Variants in OPCML observed in about 807,000 individuals in gnomAD.
The protein encoded by OPCML is opioid-binding protein/cell adhesion molecule.
A neutral mutation model predicts 37.8 loss-of-function variants in OPCML; 13 were observed. The observed-to-expected ratio is 0.34, with a 90% confidence interval of 0.22 to 0.55. The LOEUF is 0.55. Ranked by LOEUF, OPCML falls within the 20% of genes least tolerant of loss-of-function variation. The pLI is 0.91. For missense variants in OPCML, 341 were observed against 435.6 expected, an observed-to-expected ratio of 0.78 and a Z score of 1.93; for synonymous variants, 176 against 168.8, an observed-to-expected ratio of 1.04 and a Z score of -0.33.
At chr11:132,752,833 C>T (rs1410574295) in intron 2 of OPCML, among the ~76,000 whole-genome samples, 6 of 152,188 alleles carry the variant, frequency 3.9e-5, no homozygotes, top group South Asian at 2.1e-4. Flanking sequence ...TCCTGATAAG[C>T]GCCTGAGGAA....
intron 4 of OPCML, among the ~76,000 whole-genome samples, chr11:132,517,492 T>C (rs1488960275): frequency 6.6e-6 from 1 of 152,190 alleles, no homozygotes. Flanking sequence ...GGCTGCAGTA[T>C]GTTAGTATGG....
At chr11:132,659,475 A>G (rs1291199698) in intron 2 of OPCML, among the ~76,000 whole-genome samples, 1 of 152,218 alleles carries the variant, frequency 6.6e-6, no homozygotes, top group Non-Finnish European at 1.5e-5. Context: ...AAATTGAGAC[A>G]GAGTGAAGGG....
rs367841063 is a variant in OPCML at position 132,436,740 on chromosome 11, G to A, written c.683C>T (p.Ser228Leu). The change falls in exon 6 of 8, where the codon TCA becomes TTA. Residue 228 changes from serine (S) to leucine (L), a missense_variant. Coordinates refer to ENST00000524381, the MANE Select transcript of OPCML (RefSeq NM_001012393.5). ...YISKAKNTGV[S>L]VGQKGILSCE... ...GCTCAGGATGCCCTTCTGACCGACT[G>A]AAACACCAGTGTTCTTGGCTTTTGA... 1 of 1,613,998 alleles carries A rather than the reference G, an allele frequency of 6.2e-7. No individual in the cohort carries two copies. The highest frequency in any genetic ancestry group is 1.3e-5 in the African/African-American group (1 of 74,896).
chr11:133,431,301 G>T (rs1166427600), intron 1 of OPCML, among the ~76,000 whole-genome samples: 2 of 152,138 alleles, frequency 1.3e-5, no homozygotes, highest in Non-Finnish European at 2.9e-5. Context: ...GAGAAAAGAT[G>T]CAAAACTATA....
chr11:133,173,960 C>T lies in OPCML; in HGVS notation c.62-230950G>A, dbSNP rs926857252. ...CCCTCCATCCATTCTACAAGGATCC[C>T]CAGTCAGCCAATGCACCGGGACGCT... On this transcript the variant is annotated intron_variant, in intron 1 of 7. Coordinates refer to ENST00000524381, the MANE Select transcript of OPCML (RefSeq NM_001012393.5). This position sits in a 1 kb window ranked among gnomAD's most constrained non-coding sequence, Gnocchi z 7.8. Among the ~76,000 whole-genome samples, 2 of 152,300 alleles carry T rather than the reference C, an allele frequency of 1.3e-5. No homozygotes were observed. Among genetic ancestry groups the T allele is most frequent in the Non-Finnish European group, 1.5e-5 (1 of 68,028 alleles).
At chr11:132,669,128 A>T (rs1226762597) in intron 2 of OPCML, among the ~76,000 whole-genome samples, 8 of 152,152 alleles carry the variant, frequency 5.3e-5, no homozygotes, top group African/African-American at 1.9e-4. Flanking sequence ...AGCAGAATTC[A>T]GTTGGCCCAC....
At chr11:133,352,398 T>C (rs1487003662) in intron 1 of OPCML, among the ~76,000 whole-genome samples, 2 of 152,186 alleles carry the variant, frequency 1.3e-5, no homozygotes, top group Admixed American at 1.3e-4. Context: ...GATCATGAAG[T>C]AGTTGTTTTC....
At chr11:132,980,250 C>T (rs1946554117) in intron 1 of OPCML, among the ~76,000 whole-genome samples, 1 of 152,128 alleles carries the variant, frequency 6.6e-6, no homozygotes, top group South Asian at 2.1e-4. Context: ...AAAAGAAAGC[C>T]AGAGAGAGAT....
intron 4 of OPCML, among the ~76,000 whole-genome samples, chr11:132,493,666 C>T (rs1249541726): frequency 1.3e-5 from 2 of 152,224 alleles, no homozygotes; most frequent in Non-Finnish European, 2.9e-5. Flanking sequence ...ATGCACAGAG[C>T]ATCCCAGTGG....
chr11:132,943,027 C>G lies in OPCML; in HGVS notation c.62-17G>C, dbSNP rs1354050713. ...CGGGCACTCCTGTGGGTACAAGGAA[C>G]AGCAGCCTGAGAGACACGACCACGA... On this transcript the variant is annotated splice_polypyrimidine_tract_variant and intron_variant, in intron 1 of 7. Transcript: ENST00000524381. The surrounding 1 kb of genome is among the most constrained non-coding windows in gnomAD (Gnocchi z 4.3). The G allele has an allele frequency of 3.7e-6, 6 of 1,614,180 alleles. No individual in the cohort carries two copies. The South Asian group carries it at 6.6e-5, about 18-fold the overall frequency.
chr11:132,581,829 T>G (rs2137637445), intron 3 of OPCML, among the ~76,000 whole-genome samples: 1 of 152,088 alleles, frequency 6.6e-6, no homozygotes, highest in South Asian at 2.1e-4. Flanking sequence ...TGGTGGATAC[T>G]CGGAAGCCCC....
In OPCML at chr11:132,462,990, C is replaced by T. The variant is rs150820828; in HGVS notation, c.506-25631G>A. ...CACCTGCTGCTGCAATCTCTGTCCA[C>T]ATCAGAAGTGATAGAACTTCTCCCT... On this transcript the variant is annotated intron_variant, in intron 4 of 7. Transcript: ENST00000524381. 7.2e-4 allele frequency among the ~76,000 whole-genome samples: 110 copies of T among 152,318 alleles called. 1 individual carries two copies. In the East Asian group the frequency reaches 0.019, roughly 26 times the overall value.
Position 133,206,485 on chromosome 11 carries a change from C to A in OPCML, c.62-263475G>T, listed in dbSNP as rs486138. On this transcript the variant is annotated intron_variant, in intron 1 of 7. Transcript: ENST00000524381. The surrounding 1 kb of genome is among the most constrained non-coding windows in gnomAD (Gnocchi z 4.7). Reference sequence around the variant, plus strand: ...GAACTGCTGGATTCTATGATTCTTCCGTTAAAGTTGTGAAAGCGTGTTAAG... The same window carrying A: ...GAACTGCTGGATTCTATGATTCTTCAGTTAAAGTTGTGAAAGCGTGTTAAG... Among the ~76,000 whole-genome samples, 72,031 of 152,016 alleles carry A rather than the reference C, an allele frequency of 0.47. 18,095 individuals are homozygous for A. The highest frequency in any genetic ancestry group is 0.63 in the African/African-American group (26,244 of 41,440).
chr11:133,058,807 A>G (rs565722401), intron 1 of OPCML, among the ~76,000 whole-genome samples: 1 of 152,354 alleles, frequency 6.6e-6, no homozygotes, highest in Admixed American at 6.5e-5. Flanking sequence ...TTTTAAGGAT[A>G]AAAATAATCT....
At chr11:133,222,000 A>G (rs1333466637) in intron 1 of OPCML, among the ~76,000 whole-genome samples, 1 of 152,188 alleles carries the variant, frequency 6.6e-6, no homozygotes, top group Admixed American at 6.5e-5. Flanking sequence ...CCCATTTGTC[A>G]ATGCCAGCTC....
At chr11:132,663,345 A>G (rs1163642985) in intron 2 of OPCML, among the ~76,000 whole-genome samples, 3 of 152,214 alleles carry the variant, frequency 2.0e-5, no homozygotes, top group African/African-American at 7.2e-5. Flanking sequence ...ATATGTGGGG[A>G]CATATATGTG....
intron 1 of OPCML, among the ~76,000 whole-genome samples, chr11:133,074,283 G>C (rs2137016000): frequency 6.6e-6 from 1 of 152,298 alleles, no homozygotes; most frequent in Non-Finnish European, 1.5e-5. Context: ...TTATATCTGA[G>C]GTTTGTGTAT....
intron 3 of OPCML, among the ~76,000 whole-genome samples, chr11:132,587,292 G>A (rs2096474982): frequency 6.6e-6 from 1 of 152,202 alleles, no homozygotes; most frequent in Admixed American, 6.5e-5. Flanking sequence ...AATATTAGGT[G>A]GTTTAGGAAG....
intron 1 of OPCML, among the ~76,000 whole-genome samples, chr11:133,098,182 G>C (rs1483056056): frequency 1.3e-5 from 2 of 150,812 alleles, no homozygotes; most frequent in Non-Finnish European, 2.9e-5. Flanking sequence ...TACCAAGTGG[G>C]ATTTATCCCA....
Sources: allele counts gnomAD v4.1 joint callset (sites outside exome capture counted in the v4.1 genomes callset), GRCh38; gene constraint gnomAD v4.1.1; non-coding constraint Gnocchi (gnomAD v3.1); transcripts MANE v1.5; gene names NCBI Gene and HGNC (gene_info 2026-07-23, HGNC 2026-07-21).